The following AFAP1 variants were observed in gnomAD, a reference collection of about 807,000 sequenced individuals.
AFAP1 encodes actin filament associated protein 1.
A neutral mutation model predicts 93.9 loss-of-function variants in AFAP1; 75 were observed. That is an observed-to-expected ratio of 0.80 (90% CI 0.66 to 0.97). AFAP1 has a LOEUF of 0.97. Among genes scored for constraint, AFAP1 ranks in the 50% least tolerant of loss-of-function variants. The probability of loss-of-function intolerance (pLI) is 0.00; values close to 1 mark genes in which losing one functional copy is unlikely to be tolerated. For synonymous variants in AFAP1, 517 were observed against 430.7 expected (o/e 1.20, Z -2.48); for missense variants, 1,201 against 1,050.8 (o/e 1.14, Z -1.98).
At chr4:7,815,622 T>A (rs1157625700) in intron 8 of AFAP1, among the ~76,000 whole-genome samples, 1 of 152,146 alleles carries the variant, frequency 6.6e-6, no homozygotes, top group Non-Finnish European at 1.5e-5. Context: ...AAAGTGGGTT[T>A]CTTGCCTCAT....
chr4:7,822,586 C>CTTTT (rs5855982), intron 6 of AFAP1, among the ~76,000 whole-genome samples: 15 of 132,570 alleles, frequency 1.1e-4, no homozygotes, highest in Admixed American at 2.3e-4. Context: ...TTTCTTTTTT[C>CTTTT]TTTTTTTTTT....
chr4:7,841,528 G>GT (rs1024874591), intron 5 of AFAP1, among the ~76,000 whole-genome samples: 4 of 152,360 alleles, frequency 2.6e-5, no homozygotes, highest in African/African-American at 9.6e-5. Context: ...GTTAATGGCG[G>GT]TAACTTGTGG....
intron 1 of AFAP1, among the ~76,000 whole-genome samples, chr4:7,909,356 A>G (rs1046733654): frequency 6.6e-6 from 1 of 152,246 alleles, no homozygotes; most frequent in Non-Finnish European, 1.5e-5. Context: ...TGCTTAAAGA[A>G]GTATTATTTA....
chr4:7,813,369 A>C (rs1720214071), intron 8 of AFAP1, among the ~76,000 whole-genome samples: 1 of 152,258 alleles, frequency 6.6e-6, no homozygotes, highest in South Asian at 2.1e-4. Context: ...AGACAAAAAG[A>C]AAATGTGTAA....
chr4:7,835,444 T>C (rs554984668), intron 6 of AFAP1, among the ~76,000 whole-genome samples: 1 of 103,542 alleles, frequency 9.7e-6, no homozygotes, highest in Non-Finnish European at 2.2e-5. Context: ...GGGTGGCTCT[T>C]GAATGGACTG....
intron 1 of AFAP1, among the ~76,000 whole-genome samples, chr4:7,911,930 T>C (rs1719756184): frequency 6.6e-6 from 1 of 152,180 alleles, no homozygotes; most frequent in South Asian, 2.1e-4. Context: ...ACACGGGGAA[T>C]GAAATATAGA....
At chr4:7,879,698 GCT>G (rs1491359027) in intron 1 of AFAP1, among the ~76,000 whole-genome samples, 5 of 101,664 alleles carry the variant, frequency 4.9e-5, no homozygotes, top group Admixed American at 1.0e-4. Context: ...CTGCTTGCTT[GCT>G]TTTTTTTTTT....
chr4:7,859,140 G>A (rs1217673783), intron 3 of AFAP1, among the ~76,000 whole-genome samples: 1 of 152,232 alleles, frequency 6.6e-6, no homozygotes, highest in African/African-American at 2.4e-5. Flanking sequence ...GGGTCCTTGG[G>A]TTGGGCGCGG....
intron 8 of AFAP1, among the ~76,000 whole-genome samples, chr4:7,813,489 C>A (rs1418659737): frequency 1.3e-5 from 2 of 152,208 alleles, no homozygotes; most frequent in Admixed American, 6.5e-5. Context: ...TCCAGACACA[C>A]ATATTATTCT....
At chr4:7,850,542 C>T (rs1297908977) in intron 4 of AFAP1, among the ~76,000 whole-genome samples, 2 of 152,216 alleles carry the variant, frequency 1.3e-5, no homozygotes, top group Admixed American at 6.5e-5. Flanking sequence ...GCTATGTCAC[C>T]GTAGCTAACT....
rs556574343 is a variant in AFAP1, at chr4:7,939,779, G to A, written c.-126C>T. 3.3e-4 allele frequency: 127 copies of A among 389,668 alleles called. 1 individual carries two copies. The highest frequency in any genetic ancestry group is 2.2e-3 in the African/African-American group (100 of 44,992). The allele number at this position is 389,668 out of a possible 1,614,324, so 24.1% of individuals were successfully genotyped here. A position where few individuals can be genotyped will look rare whatever the true frequency, so the allele number is the denominator to read the frequency against. The stretch of plus-strand genomic sequence containing the variant: ...GGAGCCCCGGGGCGGGGCCGCCGCC[G>A]CCGCCTCAGCCCGTGTACCCCGCTC... On this transcript the variant is annotated 5_prime_UTR_variant, in exon 1 of 18. Transcript: ENST00000420658. The surrounding 1 kb of genome is among the most constrained non-coding windows in gnomAD (Gnocchi z 5.6).
Position 7,893,580 on chromosome 4 carries a change from C to CAAAAA in AFAP1, c.-2-21505_-2-21501dup, listed in dbSNP as rs11331784. On this transcript the variant is annotated intron_variant, in intron 1 of 17. Coordinates refer to ENST00000420658, the MANE Select transcript of AFAP1 (RefSeq NM_001134647.2). ...TGGGCGACAGAGTGGGACTCTGTCT[C>CAAAAA]AAAAAAAAAAAAAAAAAAAGGTTAA... Among the ~76,000 whole-genome samples, 439 of 106,102 alleles carry CAAAAA rather than the reference C, an allele frequency of 4.1e-3. 8 individuals carry two copies. Among genetic ancestry groups the CAAAAA allele is most frequent in the East Asian group, 0.014 (44 of 3,144 alleles). The allele number at this position is 106,102 out of a possible 152,430, so 69.6% of individuals were successfully genotyped here.
chr4:7,800,317 G>A, intron 10 of AFAP1, 125 bp downstream of exon 10: 2 of 951,464 alleles, frequency 2.1e-6, no homozygotes, highest in South Asian at 3.1e-5. Flanking sequence ...AAAGAGGGTG[G>A]GCCCAAAAGA....
At chr4:7,878,400 G>T (rs1560216541) in intron 1 of AFAP1, among the ~76,000 whole-genome samples, 1 of 152,274 alleles carries the variant, frequency 6.6e-6, no homozygotes, top group Middle Eastern at 3.4e-3. Flanking sequence ...TCCGAGAGTG[G>T]CCTTCCCCTT....
Position 7,843,129 on chromosome 4 carries a change from A to T in AFAP1, c.546+10T>A. ...CTTACAAAAAATGCAAGCGATTCCA[A>T]ATGTCTTACCAGCAGTTTGGTGTCT... On this transcript the variant is annotated intron_variant, in intron 5 of 17. Transcript: ENST00000420658. 6.2e-7 allele frequency: 1 copy of T among 1,612,488 alleles called. No individual in the cohort carries two copies. Among genetic ancestry groups the T allele is most frequent in the Non-Finnish European group, 8.5e-7 (1 of 1,179,142 alleles).
intron 1 of AFAP1, among the ~76,000 whole-genome samples, chr4:7,934,568 AG>A (rs1419536549): frequency 6.6e-6 from 1 of 152,014 alleles, no homozygotes; most frequent in Non-Finnish European, 1.5e-5. Flanking sequence ...CTGGGATATC[AG>A]GGGCACTCAG....
intron 6 of AFAP1, among the ~76,000 whole-genome samples, chr4:7,831,367 T>G (rs1453981531): frequency 6.6e-6 from 1 of 150,928 alleles, no homozygotes; most frequent in Non-Finnish European, 1.5e-5. Flanking sequence ...TTATTTACTT[T>G]CCTTTTAAGA....
Position 7,762,168 on chromosome 4 carries a change from C to T in AFAP1, c.*1597G>A, listed in dbSNP as rs146691641. 2 of 152,262 alleles carry T rather than the reference C, an allele frequency of 1.3e-5. No individual in the cohort carries two copies. The highest frequency in any genetic ancestry group is 2.4e-5 in the African/African-American group (1 of 41,462). 9.4% of individuals were successfully genotyped at this position (152,262 alleles called of 1,614,324 possible). A position where few individuals can be genotyped will look rare whatever the true frequency, so the allele number is the denominator to read the frequency against. On this transcript the variant is annotated 3_prime_UTR_variant, in exon 18 of 18. Coordinates refer to ENST00000420658, the MANE Select transcript of AFAP1 (RefSeq NM_001134647.2). ...CAACGTGGCCCTTGCAGGCCTCAAGCGCCACCACCTTAAACATGAATCCTA... is the reference window on the plus strand; with the variant it reads ...CAACGTGGCCCTTGCAGGCCTCAAGTGCCACCACCTTAAACATGAATCCTA...
intron 1 of AFAP1, among the ~76,000 whole-genome samples, chr4:7,905,477 A>G (rs150705785): frequency 6.6e-6 from 1 of 152,258 alleles, no homozygotes; most frequent in Non-Finnish European, 1.5e-5. Context: ...CACAAACTGA[A>G]ATCCCAAAGC....
Sources: allele counts gnomAD v4.1 joint callset (sites outside exome capture counted in the v4.1 genomes callset), GRCh38; gene constraint gnomAD v4.1.1; non-coding constraint Gnocchi (gnomAD v3.1); transcripts MANE v1.5; gene names NCBI Gene and HGNC (gene_info 2026-07-23, HGNC 2026-07-21).